The following ICOS variants were observed in gnomAD, a reference collection of about 807,000 sequenced individuals.
ICOS encodes the protein inducible T-cell costimulator.
Under a neutral mutation model 24.6 loss-of-function variants are expected in ICOS, and 15 were observed. That is an observed-to-expected ratio of 0.61 (90% CI 0.41 to 0.94). The LOEUF (loss-of-function observed/expected upper bound fraction) is 0.94. Ranked by LOEUF, ICOS falls within the 40% of genes least tolerant of loss-of-function variation. The probability of loss-of-function intolerance (pLI) is 0.00; values close to 1 mark genes in which losing one functional copy is unlikely to be tolerated. For missense variants in ICOS, 200 were observed against 233.0 expected (o/e 0.86, Z 0.92); for synonymous variants, 89 against 77.5 (o/e 1.15, Z -0.78).
At chr2:203,939,564 T>C (rs1180558336) in intron 1 of ICOS, among the ~76,000 whole-genome samples, 1 of 152,148 alleles carries the variant, frequency 6.6e-6, no homozygotes, top group African/African-American at 2.4e-5. Flanking sequence ...ATACACCAGA[T>C]TGGGAAGGGC....
chr2:203,943,009 G>GT (rs1689804576), intron 1 of ICOS, among the ~76,000 whole-genome samples: 2 of 152,094 alleles, frequency 1.3e-5, no homozygotes, highest in South Asian at 4.2e-4. Context: ...AATTTTTATT[G>GT]TTTTTTCTTT....
intron 1 of ICOS, among the ~76,000 whole-genome samples, chr2:203,950,615 C>T (rs1245579241): frequency 2.6e-5 from 4 of 152,174 alleles, no homozygotes; most frequent in Admixed American, 2.0e-4. Flanking sequence ...TAAAAACATT[C>T]GAACTGCAGA....
At chr2:203,950,173 G>A (rs56381406) in intron 1 of ICOS, among the ~76,000 whole-genome samples, 14,224 of 152,282 alleles carry the variant, frequency 0.093, 773 homozygotes, top group Middle Eastern at 0.13. Context: ...CAGTTCTGGA[G>A]GCTGGGGCCT....
chr2:203,959,499 TGAAA>T (rs985365404), intron 4 of ICOS, 83 bp from the exon 5 acceptor site: 2 of 1,069,378 alleles, frequency 1.9e-6, no homozygotes, highest in African/African-American at 3.1e-5. Context: ...TTTGTGTGTA[TGAAA>T]GGCAATGGAG....
At position 203,959,616 on chromosome 2, in the gene ICOS, C is replaced by T. The variant is rs779006646; in HGVS notation, c.*17C>T. On this transcript the variant is annotated 3_prime_UTR_variant, in exon 5 of 5. Transcript: ENST00000316386. The stretch of plus-strand genomic sequence containing the variant: ...ACCCTATAATATGGAACTCTGGCAC[C>T]CAGGCATGAAGCACGTTGGCCAGTT... 2 of 1,612,300 alleles carry T rather than the reference C, an allele frequency of 1.2e-6. No homozygotes were observed. The highest frequency in any genetic ancestry group is 2.7e-5 in the African/African-American group (2 of 74,694).
chr2:203,945,556 G>A (rs1689853611), intron 1 of ICOS, among the ~76,000 whole-genome samples: 1 of 152,134 alleles, frequency 6.6e-6, no homozygotes, highest in African/African-American at 2.4e-5. Context: ...AGATGGCAGA[G>A]CCTACTGCAC....
chr2:203,952,198 C>T (rs923241792), intron 1 of ICOS, among the ~76,000 whole-genome samples: 8 of 152,126 alleles, frequency 5.3e-5, no homozygotes, highest in Non-Finnish European at 8.8e-5. Context: ...TAGACAAAAC[C>T]ATTAGGCTGA....
In ICOS at chr2:203,955,901, C is replaced by T. The variant is rs1302576551; in HGVS notation, c.324C>T (p.Phe108=). The change falls in exon 2 of 5, where the codon TTC becomes TTT. Residue 108 remains phenylalanine (F), a synonymous_variant. Transcript: ENST00000316386. ...ACCATTCTCATGCCAACTATTACTTCTGCAACCTATCAATTTTTGATCCTC... is the reference window on the plus strand; with the variant it reads ...ACCATTCTCATGCCAACTATTACTTTTGCAACCTATCAATTTTTGATCCTC... The part of the protein sequence containing the change: ...NLDHSHANYY[F]CNLSIFDPPP... 1.2e-6 allele frequency: 2 copies of T among 1,613,424 alleles called. No individual in the cohort carries two copies. The highest frequency in any genetic ancestry group is 4.5e-5 in the East Asian group (2 of 44,850).
chr2:203,949,812 C>T (rs1313166945), intron 1 of ICOS, among the ~76,000 whole-genome samples: 1 of 152,126 alleles, frequency 6.6e-6, no homozygotes, highest in Non-Finnish European at 1.5e-5. Context: ...TGACACCTTA[C>T]CAATCAGAGC....
intron 1 of ICOS, among the ~76,000 whole-genome samples, chr2:203,943,016 C>G (rs1012612285): frequency 6.6e-6 from 1 of 152,114 alleles, no homozygotes; most frequent in Non-Finnish European, 1.5e-5. Flanking sequence ...ATTGTTTTTT[C>G]TTTAAGCTAT....
rs553609635 is a variant in ICOS at position 203,959,622 on chromosome 2, A to ATGAAT, written c.*27_*28insTTGAA. ...TAATATGGAACTCTGGCACCCAGGCATGAAGCACGTTGGCCAGTTTTCCTC... is the reference window on the plus strand; with the variant it reads ...TAATATGGAACTCTGGCACCCAGGCATGAATTGAAGCACGTTGGCCAGTTTTCCTC... On this transcript the variant is annotated 3_prime_UTR_variant, in exon 5 of 5. Coordinates refer to ENST00000316386, the MANE Select transcript of ICOS (RefSeq NM_012092.4). The ATGAAT allele has an allele frequency of 5.9e-4, 948 of 1,612,414 alleles. 8 individuals are homozygous for ATGAAT. The African/African-American group carries it at 0.012, about 20-fold the overall frequency.
intron 3 of ICOS, among the ~76,000 whole-genome samples, chr2:203,957,341 A>G (rs186108691): frequency 4.5e-4 from 68 of 152,326 alleles, no homozygotes; most frequent in African/African-American, 1.6e-3. Flanking sequence ...AAGATAAACA[A>G]CAATGACAAC....
chr2:203,958,046 A>G (rs1690109157), intron 4 of ICOS, among the ~76,000 whole-genome samples, 163 bp downstream of exon 4: 1 of 152,188 alleles, frequency 6.6e-6, no homozygotes, highest in South Asian at 2.1e-4. Flanking sequence ...AACTAGATTT[A>G]TATTTTCTGC....
chr2:203,959,222 A>G (rs967459787), intron 4 of ICOS, among the ~76,000 whole-genome samples: 1 of 152,198 alleles, frequency 6.6e-6, no homozygotes, highest in African/African-American at 2.4e-5. Context: ...ATGAGTCTTC[A>G]GAGAAAGTCT....
At chr2:203,944,376 T>C (rs898140379) in intron 1 of ICOS, among the ~76,000 whole-genome samples, 2 of 152,132 alleles carry the variant, frequency 1.3e-5, no homozygotes, top group African/African-American at 4.8e-5. Context: ...TTGACTCACC[T>C]CCAGATAAAG....
chr2:203,950,562 A>G (rs1211329708), intron 1 of ICOS, among the ~76,000 whole-genome samples: 1 of 152,214 alleles, frequency 6.6e-6, no homozygotes, highest in East Asian at 1.9e-4. Context: ...TCTGTTCTAT[A>G]TCTGCCAAAA....
At chr2:203,948,457 A>G (rs550048640) in intron 1 of ICOS, among the ~76,000 whole-genome samples, 142 of 152,326 alleles carry the variant, frequency 9.3e-4, no homozygotes, top group African/African-American at 3.2e-3. Flanking sequence ...TCATCTCCTC[A>G]GATTTAAAAT....
intron 1 of ICOS, among the ~76,000 whole-genome samples, chr2:203,950,246 C>T (rs2105750468): frequency 6.6e-6 from 1 of 152,272 alleles, no homozygotes; most frequent in East Asian, 1.9e-4. Context: ...TGGTGAGGGC[C>T]TTCTTTCTGG....
intron 1 of ICOS, among the ~76,000 whole-genome samples, chr2:203,945,427 AT>A: frequency 6.6e-6 from 1 of 152,256 alleles, no homozygotes; most frequent in Admixed American, 6.5e-5. Flanking sequence ...CAGGGTTTGG[AT>A]TTGGTGAATG....
Sources: allele counts gnomAD v4.1 joint callset (sites outside exome capture counted in the v4.1 genomes callset), GRCh38; gene constraint gnomAD v4.1.1; transcripts MANE v1.5; gene names NCBI Gene and HGNC (gene_info 2026-07-23, HGNC 2026-07-21).